Variants in TSHZ3 observed in about 807,000 individuals in gnomAD.
The protein encoded by TSHZ3 is teashirt homolog 3.
A neutral mutation model predicts 64.5 loss-of-function variants in TSHZ3; 10 were observed. The observed-to-expected ratio is 0.16, with a 90% CI of 0.10 to 0.26. The LOEUF (loss-of-function observed/expected upper bound fraction) is 0.26. Among genes scored for constraint, TSHZ3 ranks in the 10% least tolerant of loss-of-function variants. The probability of loss-of-function intolerance (pLI) is 1.00; values close to 1 mark genes in which losing one functional copy is unlikely to be tolerated. For synonymous variants in TSHZ3, 608 were observed against 593.1 expected, an observed-to-expected ratio of 1.03 and a Z score of -0.36; for missense variants, 1,242 against 1,421.7, an observed-to-expected ratio of 0.87 and a Z score of 2.03.
At position 31,276,722 on chromosome 19, in the gene TSHZ3, G is replaced by A. The variant is rs140850482; in HGVS notation, c.3071C>T (p.Pro1024Leu). Reference protein sequence around the residue: ...INSQIAQTKSPSEKMVTSSPE... With the variant: ...INSQIAQTKSLSEKMVTSSPE... ...GGAGGACGTCACCATTTTTTCTGAC[G>A]GTGACTTGGTTTGTGCTATCTGACT... The change falls in exon 2 of 2, where the codon CCG becomes CTG. Residue 1024 changes from proline to leucine, a missense_variant. Physicochemically the swap from Pro to Leu is moderately conservative, Grantham distance 98. Coordinates refer to ENST00000240587, the MANE Select transcript of TSHZ3 (RefSeq NM_020856.4). 2.9e-5 allele frequency: 46 copies of A among 1,613,228 alleles called. No homozygotes were observed. Among genetic ancestry groups the A allele is most frequent in the South Asian group, 1.2e-4 (11 of 91,036 alleles).
chr19:31,223,091 G>A (rs1383782069), intron 4 of TSHZ3, among the ~76,000 whole-genome samples: 6 of 152,148 alleles, frequency 3.9e-5, no homozygotes, highest in Non-Finnish European at 8.8e-5. Flanking sequence ...CCATGTCCCT[G>A]TCACACTGAT....
At chr19:31,247,570 G>T (rs952749433) in intron 1 of TSHZ3, among the ~76,000 whole-genome samples, 2 of 152,184 alleles carry the variant, frequency 1.3e-5, no homozygotes, top group Non-Finnish European at 2.9e-5. Flanking sequence ...GGAGGCCAAG[G>T]AGAGATGAGC....
At chr19:31,348,397 G>T (rs900384333) in intron 1 of TSHZ3, among the ~76,000 whole-genome samples, 1 of 147,994 alleles carries the variant, frequency 6.8e-6, no homozygotes, top group East Asian at 2.1e-4. Context: ...TCAATGATGC[G>T]TTTTCCAGAA....
intron 5 of TSHZ3, among the ~76,000 whole-genome samples, chr19:31,201,575 G>A (rs1037014876): frequency 2.6e-5 from 4 of 152,136 alleles, no homozygotes; most frequent in African/African-American, 9.7e-5. Flanking sequence ...AGTCTACGTG[G>A]CCATGGCATC....
intron 1 of TSHZ3, among the ~76,000 whole-genome samples, chr19:31,247,499 C>T (rs1479106472): frequency 1.3e-5 from 2 of 152,114 alleles, no homozygotes; most frequent in Non-Finnish European, 2.9e-5. Flanking sequence ...ACACAGTAGC[C>T]AGACTCCAGC....
At chr19:31,282,455 C>G (rs1976379554) in intron 1 of TSHZ3, among the ~76,000 whole-genome samples, 1 of 152,276 alleles carries the variant, frequency 6.6e-6, no homozygotes, top group South Asian at 2.1e-4. Flanking sequence ...TGAAAGAGTC[C>G]TCTGTGGGTG....
intron 6 of TSHZ3, among the ~76,000 whole-genome samples, chr19:31,153,479 A>G (rs1388819192): frequency 6.6e-6 from 1 of 152,230 alleles, no homozygotes; most frequent in Non-Finnish European, 1.5e-5. Context: ...TGATCATCAG[A>G]TGGTGATGTC....
chr19:31,349,777 C>T (rs2021652776), upstream of TSHZ3, among the ~76,000 whole-genome samples: 1 of 148,072 alleles, frequency 6.8e-6, no homozygotes, highest in Admixed American at 6.7e-5. Flanking sequence ...GCAGCCGCCG[C>T]CGCGGCCCGG....
intron 1 of TSHZ3, among the ~76,000 whole-genome samples, chr19:31,258,956 G>T (rs1458429682): frequency 2.0e-5 from 3 of 152,190 alleles, no homozygotes; most frequent in Admixed American, 6.5e-5. Flanking sequence ...CCATGCCCCG[G>T]CCCGCCTTCT....
intron 1 of TSHZ3, among the ~76,000 whole-genome samples, chr19:31,312,121 AG>A (rs1916475281): frequency 6.6e-6 from 1 of 152,164 alleles, no homozygotes; most frequent in Non-Finnish European, 1.5e-5. Flanking sequence ...AATGTTTCCC[AG>A]GGTTGCTAGG....
At chr19:31,350,256 G>A (rs1435914182), upstream of TSHZ3, among the ~76,000 whole-genome samples, 1 of 149,874 alleles carries the variant, frequency 6.7e-6, no homozygotes, top group Non-Finnish European at 1.5e-5. Flanking sequence ...CTCAGACCCC[G>A]CGCCACCCAG....
intron 1 of TSHZ3, among the ~76,000 whole-genome samples, chr19:31,303,321 G>A (rs16965430): frequency 1.3e-5 from 2 of 152,146 alleles, no homozygotes; most frequent in East Asian, 1.9e-4. Context: ...TAAGGAATAC[G>A]CCCGGGTCTG....
intron 1 of TSHZ3, among the ~76,000 whole-genome samples, chr19:31,286,208 AAGGACACATTTCC>A (rs1486755383): frequency 1.3e-5 from 2 of 152,230 alleles, no homozygotes; most frequent in African/African-American, 4.8e-5. Context: ...GCTGAGTGCC[AAGGACACATTTCC>A]AGACAACTGC....
At chr19:31,328,794 CA>C (rs1436458790) in intron 1 of TSHZ3, among the ~76,000 whole-genome samples, 1 of 152,166 alleles carries the variant, frequency 6.6e-6, no homozygotes, top group Non-Finnish European at 1.5e-5. Flanking sequence ...ATACATACTG[CA>C]GATAACACAA....
intron 1 of TSHZ3, chr19:31,308,397 A>T (rs1916357643): frequency 2.7e-6 from 1 of 366,280 alleles, no homozygotes; most frequent in Non-Finnish European, 4.8e-6. Context: ...TAATAAGGGA[A>T]AATGCGCTGG....
intron 1 of TSHZ3, chr19:31,308,797 A>G: frequency 2.5e-6 from 1 of 397,766 alleles, no homozygotes; most frequent in Non-Finnish European, 4.4e-6. Context: ...CATCCTAGAG[A>G]TAAGGAAGTG....
intron 5 of TSHZ3, among the ~76,000 whole-genome samples, chr19:31,202,578 A>T (rs1026536295): frequency 6.6e-6 from 1 of 152,096 alleles, no homozygotes; most frequent in African/African-American, 2.4e-5. Context: ...GGGTAGTTAG[A>T]TCACTTCCAA....
chr19:31,200,261 C>A (rs1332263091), intron 5 of TSHZ3, among the ~76,000 whole-genome samples: 2 of 151,402 alleles, frequency 1.3e-5, no homozygotes, highest in East Asian at 1.9e-4. Flanking sequence ...AAAAAAAAAA[C>A]CTGCACATGG....
At chr19:31,350,341 G>C (rs912952427), upstream of TSHZ3, among the ~76,000 whole-genome samples, 3 of 151,708 alleles carry the variant, frequency 2.0e-5, no homozygotes, top group Non-Finnish European at 4.4e-5. Context: ...GGCCCGTCCC[G>C]GGGGTCGGTG....
Sources: allele counts gnomAD v4.1 joint callset (sites outside exome capture counted in the v4.1 genomes callset), GRCh38; gene constraint gnomAD v4.1.1; transcripts MANE v1.5; gene names NCBI Gene and HGNC (gene_info 2026-07-23, HGNC 2026-07-21).